SERPING1: variants seen among roughly 807,000 people sequenced by gnomAD.
SERPING1 encodes the protein serpin family G member 1.
Under a neutral mutation model 34.1 loss-of-function variants are expected in SERPING1, and 5 were observed. The observed-to-expected ratio is 0.15, with a 90% CI of 0.08 to 0.31. The LOEUF (loss-of-function observed/expected upper bound fraction) is 0.31. Among genes scored for constraint, SERPING1 ranks in the 10% least tolerant of loss-of-function variants. The pLI, the probability that SERPING1 is intolerant of heterozygous loss-of-function variation, is 1.00. For missense variants in SERPING1, 505 were observed against 609.5 expected (o/e 0.83, Z 1.81); for synonymous variants, 225 against 242.4 (o/e 0.93, Z 0.67).
chr11:57,599,946 GA>G lies in SERPING1; in HGVS notation c.120del (p.Gly41AlafsTer38). On this transcript the variant is annotated frameshift_variant, in exon 3 of 8. Transcript: ENST00000278407. LOFTEE classifies it high-confidence loss of function. ...CAGGATCCAGAGAGTTTGCAAGACA[GA>G]GGCGAAGGGAAGGTCGCAACAACAG... ...SSQDPESLQD[R>X]GEGKVATTVI... is the part of the protein sequence containing the mutation. The G allele has an allele frequency of 6.2e-7, 1 of 1,614,200 alleles. No homozygotes were observed. Among genetic ancestry groups the G allele is most frequent in the Non-Finnish European group, 8.5e-7 (1 of 1,180,044 alleles).
In SERPING1 at chr11:57,601,165, C is replaced by A. The variant is rs1254956654; in HGVS notation, c.550+788C>A. Among the ~76,000 whole-genome samples, 3 of 151,838 alleles carry A rather than the reference C, an allele frequency of 2.0e-5. No homozygotes were observed. In the East Asian group the frequency reaches 5.9e-4, roughly 30 times the overall value. ...CCTGTAATCCCAGCATTTTAGGAGG[C>A]CGAGGCGGGCAGATCACGAGGTCAG... On this transcript the variant is annotated intron_variant, in intron 3 of 7. Coordinates refer to ENST00000278407, the MANE Select transcript of SERPING1 (RefSeq NM_000062.3).
intron 6 of SERPING1, among the ~76,000 whole-genome samples, chr11:57,607,669 GT>G (rs904588253): frequency 5.3e-5 from 8 of 151,884 alleles, no homozygotes; most frequent in South Asian, 2.1e-4. Flanking sequence ...ATAGAGGAGG[GT>G]TTTTTTCGAG....
At position 57,606,092 on chromosome 11, in the gene SERPING1, C is replaced by T. The variant is rs146449093; in HGVS notation, c.768C>T (p.Asp256=). The change falls in exon 5 of 8, where the codon GAC becomes GAT. Residue 256 remains aspartate (D), a synonymous_variant. Transcript: ENST00000278407. ...SSPRVLSNNS[D]ANLELINTWV... The stretch of plus-strand genomic sequence containing the variant: ...CCAGAGTCCTAAGCAACAACAGTGA[C>T]GCCAACTTGGAGCTCATCAACACCT... 188 of 1,614,160 alleles carry T rather than the reference C, an allele frequency of 1.2e-4. No homozygotes were observed. The highest frequency in any genetic ancestry group is 9.9e-4 in the Middle Eastern group (6 of 6,062).
chr11:57,600,087 C>T lies in SERPING1; in HGVS notation c.260C>T (p.Thr87Ile), dbSNP rs1306681745. 1.9e-6 allele frequency: 3 copies of T among 1,613,510 alleles called. No individual in the cohort carries two copies. The highest frequency in any genetic ancestry group is 2.2e-5 in the South Asian group (2 of 91,040). The part of the protein sequence containing the change: ...KITANTTDEP[T>I]TQPTTEPTTQ... The stretch of plus-strand genomic sequence containing the variant: ...ACAGCTAATACCACTGATGAACCCA[C>T]CACACAACCCACCACAGAGCCCACC... The change falls in exon 3 of 8, where the codon ACC (threonine) becomes ATC (isoleucine). Residue 87 changes from threonine (T) to isoleucine (I), a missense_variant. Transcript: ENST00000278407.
chr11:57,612,016 T>G, intron 7 of SERPING1, 80 bp downstream of exon 7: 3 of 1,208,828 alleles, frequency 2.5e-6, no homozygotes, highest in Non-Finnish European at 3.7e-6. Context: ...TAGCATTCTC[T>G]AGAGTATTTT....
At chr11:57,614,187 C>A in intron 7 of SERPING1, 141 bp from the exon 8 acceptor site, 1 of 1,076,128 alleles carries the variant, frequency 9.3e-7, no homozygotes, top group Non-Finnish European at 1.4e-6. Context: ...CCAGAGGGTA[C>A]AGTATGTAAT....
At chr11:57,602,352 T>A (rs187506383) in intron 4 of SERPING1, among the ~76,000 whole-genome samples, 183 bp downstream of exon 4, 4 of 152,354 alleles carry the variant, frequency 2.6e-5, no homozygotes, top group Non-Finnish European at 5.9e-5. Context: ...AGACTGTTCT[T>A]CTAATGAGAC....
chr11:57,605,433 G>A (rs1275577941), intron 4 of SERPING1, among the ~76,000 whole-genome samples: 11 of 152,022 alleles, frequency 7.2e-5, no homozygotes, highest in Admixed American at 7.2e-4. Flanking sequence ...CGAATAGCTG[G>A]GATTACAGGC....
Position 57,614,650 on chromosome 11 carries a change from T to TGCC in SERPING1, c.*70_*72dup, listed in dbSNP as rs1169896321. The TGCC allele has an allele frequency of 6.4e-7, 1 of 1,563,040 alleles. No individual in the cohort carries two copies. Among genetic ancestry groups the TGCC allele is most frequent in the Non-Finnish European group, 8.7e-7 (1 of 1,155,968 alleles). ...CAGCTCTCAGTTGCAGCCCTGCTGC[T>TGCC]GCCTGCCTGGACTTGGCCCCTGCCA... On this transcript the variant is annotated 3_prime_UTR_variant, in exon 8 of 8. Coordinates refer to ENST00000278407, the MANE Select transcript of SERPING1 (RefSeq NM_000062.3).
chr11:57,608,263 A>C (rs184667994), intron 6 of SERPING1, among the ~76,000 whole-genome samples: 55 of 152,340 alleles, frequency 3.6e-4, no homozygotes, highest in African/African-American at 1.3e-3. Context: ...GTTAGGTTTA[A>C]ATGTAACTAT....
At chr11:57,598,350 G>A (rs1236831214) in intron 2 of SERPING1, 29 bp downstream of exon 2, 3 of 1,547,684 alleles carry the variant, frequency 1.9e-6, no homozygotes, top group Admixed American at 3.9e-5. Flanking sequence ...GATGGGGGAC[G>A]GGGGTGGAGA....
At chr11:57,601,483 C>G (rs776287991) in intron 3 of SERPING1, among the ~76,000 whole-genome samples, 13 of 151,738 alleles carry the variant, frequency 8.6e-5, no homozygotes, top group Admixed American at 2.6e-4. Context: ...TGAGGGATTA[C>G]TGTCAAGTCC....
At chr11:57,608,871 A>T (rs1168732485) in intron 6 of SERPING1, among the ~76,000 whole-genome samples, 1 of 150,924 alleles carries the variant, frequency 6.6e-6, no homozygotes. Context: ...CACAAAAGCC[A>T]CTATTTAGAG....
At chr11:57,607,809 G>A (rs900723737) in intron 6 of SERPING1, among the ~76,000 whole-genome samples, 5 of 152,102 alleles carry the variant, frequency 3.3e-5, no homozygotes, top group African/African-American at 9.7e-5. Flanking sequence ...ACAGGAGCCC[G>A]CCACCACACC....
chr11:57,604,333 A>C (rs571405146), intron 4 of SERPING1, among the ~76,000 whole-genome samples: 1 of 152,252 alleles, frequency 6.6e-6, no homozygotes, highest in East Asian at 1.9e-4. Context: ...TAAGTAGGTA[A>C]TAATGATAAT....
At position 57,605,184 on chromosome 11, in the gene SERPING1, AC is replaced by A. The variant is rs778455366; in HGVS notation, c.686-825del. On this transcript the variant is annotated intron_variant, in intron 4 of 7. Transcript: ENST00000278407. ...CTGTCTTGCTAGGTTGGTGAAAAAT[AC>A]GTAACAGCATTCAATATTAGGGCTT... Among the ~76,000 whole-genome samples the A allele has an allele frequency of 4.3e-4, 66 of 152,294 alleles. 1 individual carries two copies. Among genetic ancestry groups the A allele is most frequent in the Admixed American group, 3.7e-3 (57 of 15,294 alleles).
At chr11:57,612,404 T>C (rs1466098651) in intron 7 of SERPING1, among the ~76,000 whole-genome samples, 1 of 135,110 alleles carries the variant, frequency 7.4e-6, no homozygotes, top group Non-Finnish European at 1.6e-5. Flanking sequence ...CTCCATTTTC[T>C]TTTTTTTTTT....
chr11:57,600,950 C>CAA (rs35871015), intron 3 of SERPING1, among the ~76,000 whole-genome samples: 1 of 140,982 alleles, frequency 7.1e-6, no homozygotes. Flanking sequence ...GACTCTGTCT[C>CAA]AAAAAAAAAA....
In SERPING1 at chr11:57,600,368, G is replaced by C; in HGVS notation, c.541G>C (p.Val181Leu). The change falls in exon 3 of 8, where the codon GTC becomes CTC. Residue 181 changes from valine (V) to leucine (L), a missense_variant. Physicochemically the swap from Val to Leu is conservative, Grantham distance 32. Transcript: ENST00000278407. ...CAGCATCGCCAGCCTCCTTACCCAGGTCCTGCTCGGTAAGACCCTGCTTGA... is the reference window on the plus strand; with the variant it reads ...CAGCATCGCCAGCCTCCTTACCCAGCTCCTGCTCGGTAAGACCCTGCTTGA... ...PFSIASLLTQ[V>L]LLGAGENTKT... 1 of 1,612,244 alleles carries C rather than the reference G, an allele frequency of 6.2e-7. No homozygotes were observed. Among genetic ancestry groups the C allele is most frequent in the Admixed American group, 1.7e-5 (1 of 59,988 alleles).
Sources: gnomAD v4.1 joint callset for allele counts (sites outside exome capture counted in the v4.1 genomes callset) on GRCh38, gnomAD v4.1.1 for gene constraint, MANE v1.5 for transcripts, NCBI Gene and HGNC (gene_info 2026-07-23, HGNC 2026-07-21) for gene names.